Variants in RCL1 observed in about 807,000 individuals in gnomAD.
RCL1 encodes the protein RNA terminal phosphate cyclase like 1.
In RCL1, 24 loss-of-function variants were observed where a neutral mutation model predicts 42.4. The ratio of observed to expected loss-of-function variants is 0.57; its 90% CI spans 0.41 to 0.80. The LOEUF is 0.80. Among genes scored for constraint, RCL1 ranks in the 30% least tolerant of loss-of-function variants. RCL1 has a pLI of 0.00. For synonymous variants in RCL1, 228 were observed against 177.3 expected, an observed-to-expected ratio of 1.29 and a Z score of -2.27; for missense variants, 578 against 467.9, an observed-to-expected ratio of 1.24 and a Z score of -2.17.
intron 3 of RCL1, chr9:4,827,435 C>T: frequency 2.2e-6 from 1 of 451,126 alleles, no homozygotes; most frequent in African/African-American, 2.0e-5. Context: ...GGCATTGTTA[C>T]AGCGTAATCT....
intron 1 of RCL1, among the ~76,000 whole-genome samples, chr9:4,812,912 A>G (rs149598289): frequency 1.9e-3 from 285 of 152,164 alleles, no homozygotes; most frequent in African/African-American, 6.6e-3. Context: ...ATTTTTGTGT[A>G]TTGATTTTAT....
In RCL1 at chr9:4,854,975, C is replaced by T. The variant is rs192879935; in HGVS notation, c.972-5150C>T. 1.9e-3 allele frequency among the ~76,000 whole-genome samples: 278 copies of T among 149,972 alleles called. 1 individual carries two copies. Among genetic ancestry groups the T allele is most frequent in the African/African-American group, 6.7e-3 (271 of 40,640 alleles). ...GGCTGAGGCAGGAGAATCACTTGAACCTGGGAGGCAGAGGTTGCAGTTAGC... is the reference window on the plus strand; with the variant it reads ...GGCTGAGGCAGGAGAATCACTTGAATCTGGGAGGCAGAGGTTGCAGTTAGC... On this transcript the variant is annotated intron_variant, in intron 8 of 8. Coordinates refer to ENST00000381750, the MANE Select transcript of RCL1 (RefSeq NM_005772.5).
chr9:4,860,048 G>C, intron 8 of RCL1, 77 bp from the exon 9 acceptor site: 2 of 1,028,768 alleles, frequency 1.9e-6, no homozygotes, highest in Non-Finnish European at 1.4e-6. Context: ...TTAAAACCTT[G>C]GATTCTAGGT....
intron 2 of RCL1, among the ~76,000 whole-genome samples, chr9:4,825,370 G>C (rs972253421): frequency 6.6e-6 from 1 of 152,132 alleles, no homozygotes. Flanking sequence ...GAAGCATTTA[G>C]TGAATATATA....
At chr9:4,827,232 G>A (rs1816795132) in intron 3 of RCL1, 199 bp downstream of exon 3, 1 of 1,502,742 alleles carries the variant, frequency 6.7e-7, no homozygotes, top group Admixed American at 2.3e-5. Flanking sequence ...CAGGACTATT[G>A]TTAACAGTTA....
At chr9:4,836,991 C>G (rs967438938) in intron 5 of RCL1, among the ~76,000 whole-genome samples, 1 of 152,158 alleles carries the variant, frequency 6.6e-6, no homozygotes, top group African/African-American at 2.4e-5. Context: ...CAGGAGAGAA[C>G]AGGCAAAAGG....
chr9:4,834,830 C>T (rs1483658972), intron 5 of RCL1, among the ~76,000 whole-genome samples: 1 of 152,210 alleles, frequency 6.6e-6, no homozygotes, highest in African/African-American at 2.4e-5. Context: ...CTTGAGTTCA[C>T]TTACATCCTT....
chr9:4,805,323 A>G (rs1166449914), intron 1 of RCL1, among the ~76,000 whole-genome samples: 1 of 152,116 alleles, frequency 6.6e-6, no homozygotes, highest in Admixed American at 6.5e-5. Flanking sequence ...TAGGAGTTCC[A>G]GGTTACAGTG....
chr9:4,822,158 T>G (rs1816615570), intron 1 of RCL1, among the ~76,000 whole-genome samples: 1 of 152,094 alleles, frequency 6.6e-6, no homozygotes, highest in South Asian at 2.1e-4. Context: ...ATGACAAGAG[T>G]TATGGGACAG....
intron 1 of RCL1, among the ~76,000 whole-genome samples, chr9:4,817,069 G>C (rs994908239): frequency 3.4e-4 from 52 of 152,188 alleles, no homozygotes; most frequent in Admixed American, 1.7e-3. Flanking sequence ...CGCCTGCCTC[G>C]GCCTCCCAAA....
chr9:4,801,753 T>C (rs1263125810), intron 1 of RCL1, among the ~76,000 whole-genome samples: 3 of 147,984 alleles, frequency 2.0e-5, no homozygotes, highest in Non-Finnish European at 4.5e-5. Context: ...GGAAAGCCAA[T>C]TGCCCAAGCA....
At chr9:4,852,071 C>T (rs1031420740) in intron 8 of RCL1, among the ~76,000 whole-genome samples, 27 of 151,900 alleles carry the variant, frequency 1.8e-4, no homozygotes, top group Non-Finnish European at 3.8e-4. Flanking sequence ...TTAGTAGAGA[C>T]GGGGTTTCAC....
intron 3 of RCL1, chr9:4,827,456 A>C (rs1207734927): frequency 8.3e-6 from 3 of 360,658 alleles, no homozygotes; most frequent in Non-Finnish European, 1.5e-5. Flanking sequence ...TGACTTACCC[A>C]GGCTTCAATC....
At chr9:4,800,652 A>ATTTT (rs35340693) in intron 1 of RCL1, among the ~76,000 whole-genome samples, 2 of 123,936 alleles carry the variant, frequency 1.6e-5, no homozygotes, top group African/African-American at 2.9e-5. Context: ...GTGTGGATGT[A>ATTTT]TTTTTTTTTT....
chr9:4,850,933 G>C (rs1184726906), intron 8 of RCL1, among the ~76,000 whole-genome samples: 1 of 152,130 alleles, frequency 6.6e-6, no homozygotes, highest in African/African-American at 2.4e-5. Flanking sequence ...TATGAGGTAT[G>C]GGGTGTTGTC....
In RCL1 at chr9:4,834,194, T is replaced by C; in HGVS notation, c.513T>C (p.Cys171=). 1 of 1,613,760 alleles carries C rather than the reference T, an allele frequency of 6.2e-7. No homozygotes were observed. Among genetic ancestry groups the C allele is most frequent in the Non-Finnish European group, 8.5e-7 (1 of 1,179,778 alleles). Residue 171 remains cysteine, a synonymous_variant, in exon 5 of 9, where the codon TGT becomes TGC. Transcript: ENST00000381750. ...PGGGGEVVFS[C]PVRKVLKPIQ... is the part of the protein sequence containing the mutation. ...GAGGAGGCGAAGTGGTTTTCTCATG[T>C]CCTGTGAGGAAGGTCTTGAAGCCCA...
chr9:4,859,335 T>C (rs1260276197), intron 8 of RCL1, among the ~76,000 whole-genome samples: 1 of 152,226 alleles, frequency 6.6e-6, no homozygotes. Flanking sequence ...TTCTTCCCCG[T>C]CTGTGTTGTT....
chr9:4,814,572 T>C (rs1330709035), intron 1 of RCL1, among the ~76,000 whole-genome samples: 2 of 152,232 alleles, frequency 1.3e-5, no homozygotes, highest in East Asian at 1.9e-4. Flanking sequence ...TAGCCTCCTG[T>C]CCTTATAAAA....
At chr9:4,855,312 GT>G (rs1817913206) in intron 8 of RCL1, among the ~76,000 whole-genome samples, 1 of 151,714 alleles carries the variant, frequency 6.6e-6, no homozygotes, top group Admixed American at 6.6e-5. Context: ...TATTTGCGCT[GT>G]GTGGGTGGTT....
Sources: allele counts gnomAD v4.1 joint callset (sites outside exome capture counted in the v4.1 genomes callset), GRCh38; gene constraint gnomAD v4.1.1; transcripts MANE v1.5; gene names NCBI Gene and HGNC (gene_info 2026-07-23, HGNC 2026-07-21).